The following CDH18 variants were observed in gnomAD, a reference collection of about 807,000 sequenced individuals.
CDH18 encodes the protein cadherin 18, also known as cadherin-18.
In CDH18, 31 loss-of-function variants were observed where a neutral mutation model predicts 67.9. That is an observed-to-expected ratio of 0.46 (90% CI 0.34 to 0.62). CDH18 has a LOEUF of 0.62. Ranked by LOEUF, CDH18 falls within the 20% of genes least tolerant of loss-of-function variation. The pLI is 0.01. For missense variants in CDH18, 890 were observed against 975.5 expected, an observed-to-expected ratio of 0.91 and a Z score of 1.17; for synonymous variants, 362 against 347.2, an observed-to-expected ratio of 1.04 and a Z score of -0.48.
chr5:20,330,348 C>G (rs1164797778), intron 1 of CDH18, among the ~76,000 whole-genome samples: 1 of 152,004 alleles, frequency 6.6e-6, no homozygotes, highest in African/African-American at 2.4e-5. Context: ...AAGAGAGGGA[C>G]CCCTGCCACC....
At chr5:20,324,410 G>A (rs530344829) in intron 1 of CDH18, among the ~76,000 whole-genome samples, 4 of 152,090 alleles carry the variant, frequency 2.6e-5, no homozygotes, top group Non-Finnish European at 4.4e-5. Flanking sequence ...GCATGGTGGC[G>A]GGTGCCTGTA....
intron 2 of CDH18, among the ~76,000 whole-genome samples, chr5:20,163,057 CTAAA>C (rs3067898): frequency 0.58 from 86,125 of 149,344 alleles, 24,864 homozygotes; most frequent in Middle Eastern, 0.69. Flanking sequence ...AAAACTGTCT[CTAAA>C]TAAATAAATA....
At chr5:19,706,421 T>C (rs1046344946) in intron 5 of CDH18, among the ~76,000 whole-genome samples, 15 of 152,244 alleles carry the variant, frequency 9.9e-5, no homozygotes, top group African/African-American at 3.6e-4. Context: ...CTAAAGCTAT[T>C]ATCCAGCATT....
At chr5:19,480,175 T>C (rs915723724) in intron 12 of CDH18, among the ~76,000 whole-genome samples, 3 of 152,004 alleles carry the variant, frequency 2.0e-5, no homozygotes, top group African/African-American at 7.2e-5. Flanking sequence ...AATCCCTGCG[T>C]TCTATTCTCT....
chr5:19,791,642 G>A (rs1561308386), intron 3 of CDH18, among the ~76,000 whole-genome samples: 1 of 152,068 alleles, frequency 6.6e-6, no homozygotes, highest in Non-Finnish European at 1.5e-5. Flanking sequence ...GCACATGACA[G>A]AATTTCTGTT....
chr5:19,671,238 C>A (rs1349794094), intron 5 of CDH18, among the ~76,000 whole-genome samples: 4 of 152,066 alleles, frequency 2.6e-5, no homozygotes, highest in Non-Finnish European at 4.4e-5. Context: ...GCTCTCAGGT[C>A]ACCACCTTCT....
intron 9 of CDH18, among the ~76,000 whole-genome samples, chr5:19,530,770 T>A (rs564324897): frequency 1.3e-5 from 2 of 152,350 alleles, no homozygotes; most frequent in Admixed American, 6.5e-5. Flanking sequence ...AACTCATCAT[T>A]TTTTATGGCT....
intron 6 of CDH18, among the ~76,000 whole-genome samples, chr5:19,595,404 G>A (rs1746013192): frequency 6.6e-6 from 1 of 152,136 alleles, no homozygotes; most frequent in Admixed American, 6.5e-5. Context: ...ACCTGGTACG[G>A]TGGCTCGAGA....
rs151120269 is a variant in CDH18, at chr5:20,307,609, T to G, written c.-579-52104A>C. Among the ~76,000 whole-genome samples the G allele has an allele frequency of 1.1e-3, 167 of 152,316 alleles. 2 individuals are homozygous for G. The highest frequency in any genetic ancestry group is 3.8e-3 in the African/African-American group (156 of 41,582). ...TTCCATTGTGTTTCACTGGCATGCA[T>G]TGCCTACCATCTGGAGGGTAAAAAT... On this transcript the variant is annotated intron_variant, in intron 1 of 14. Transcript: ENST00000507958.
At chr5:20,299,619 C>T (rs377595432) in intron 1 of CDH18, among the ~76,000 whole-genome samples, 6 of 151,766 alleles carry the variant, frequency 4.0e-5, no homozygotes, top group East Asian at 1.9e-4. Flanking sequence ...ATTAGCCGGG[C>T]GTGGTGGTGC....
intron 1 of CDH18, among the ~76,000 whole-genome samples, chr5:20,382,615 A>G (rs1159483757): frequency 6.6e-6 from 1 of 152,118 alleles, no homozygotes; most frequent in Non-Finnish European, 1.5e-5. Context: ...CATCTCTCAC[A>G]TAAAGATGAA....
At chr5:19,743,397 T>A (rs1043402451) in intron 4 of CDH18, among the ~76,000 whole-genome samples, 2 of 152,176 alleles carry the variant, frequency 1.3e-5, no homozygotes, top group Non-Finnish European at 2.9e-5. Flanking sequence ...CTCTTTTTTT[T>A]AATAAAAGAT....
At chr5:20,526,289 AG>A (rs890571896) in intron 1 of CDH18, among the ~76,000 whole-genome samples, 1 of 152,014 alleles carries the variant, frequency 6.6e-6, no homozygotes, top group Non-Finnish European at 1.5e-5. Context: ...CCTAGCGGGG[AG>A]GGGCAGCCAT....
chr5:20,432,346 A>C (rs779280781), intron 1 of CDH18, among the ~76,000 whole-genome samples: 1 of 152,146 alleles, frequency 6.6e-6, no homozygotes, highest in Non-Finnish European at 1.5e-5. Flanking sequence ...TGATTGTCAG[A>C]CTGGAATGCT....
At chr5:20,572,499 T>C (rs1758872516) in intron 1 of CDH18, among the ~76,000 whole-genome samples, 1 of 152,176 alleles carries the variant, frequency 6.6e-6, no homozygotes, top group Admixed American at 6.6e-5. Context: ...ACAAGAATAT[T>C]TTAAAGACAG....
chr5:20,250,710 G>A (rs1327227075), intron 2 of CDH18, among the ~76,000 whole-genome samples: 3 of 136,812 alleles, frequency 2.2e-5, no homozygotes, highest in Non-Finnish European at 3.1e-5. Context: ...GTTCAAGAAC[G>A]CTATTTTACC....
chr5:20,165,545 T>A (rs763542847), intron 2 of CDH18, among the ~76,000 whole-genome samples: 2 of 152,138 alleles, frequency 1.3e-5, no homozygotes, highest in Admixed American at 6.5e-5. Context: ...AATAAAGTTT[T>A]AGGAGAGGAT....
intron 1 of CDH18, among the ~76,000 whole-genome samples, chr5:20,560,707 T>C (rs62354291): frequency 0.017 from 2,594 of 152,162 alleles, 36 homozygotes; most frequent in African/African-American, 0.029. Flanking sequence ...AGACTAAGTT[T>C]AGGGTGAATT....
chr5:19,646,589 C>T (rs866330723), intron 5 of CDH18, among the ~76,000 whole-genome samples: 20 of 152,242 alleles, frequency 1.3e-4, no homozygotes, highest in South Asian at 1.2e-3. Context: ...GATCCACCTG[C>T]CTTGACCTCC....
Sources: allele counts gnomAD v4.1 joint callset (sites outside exome capture counted in the v4.1 genomes callset), GRCh38; gene constraint gnomAD v4.1.1; transcripts MANE v1.5; gene names NCBI Gene and HGNC (gene_info 2026-07-23, HGNC 2026-07-21).